Variants in LRP1B observed in about 807,000 individuals in gnomAD.
LRP1B encodes LDL receptor related protein 1B, also known as low-density lipoprotein receptor-related protein 1B.
LRP1B carries 217 observed loss-of-function variants against 556.6 expected under a neutral mutation model. That is an observed-to-expected ratio of 0.39 (90% CI 0.35 to 0.44). The LOEUF is 0.44. Among genes scored for constraint, LRP1B ranks in the 20% least tolerant of loss-of-function variants. The pLI is 1.00. For synonymous variants in LRP1B, 2,047 were observed against 1,865.8 expected (o/e 1.10, Z -2.50); for missense variants, 5,053 against 5,620.8 (o/e 0.90, Z 3.23).
intron 2 of LRP1B, among the ~76,000 whole-genome samples, chr2:141,536,254 A>G (rs920270235): frequency 6.6e-5 from 10 of 151,998 alleles, no homozygotes; most frequent in African/African-American, 2.2e-4. Flanking sequence ...ATTGACTTAC[A>G]TTTTCCCACA....
chr2:141,619,168 A>G (rs1688414656), intron 2 of LRP1B, among the ~76,000 whole-genome samples: 1 of 152,052 alleles, frequency 6.6e-6, no homozygotes, highest in South Asian at 2.1e-4. Context: ...GCTTTTCTTG[A>G]GCCTTTTTAG....
intron 7 of LRP1B, among the ~76,000 whole-genome samples, chr2:141,147,427 C>T (rs1701813462): frequency 6.6e-6 from 1 of 151,990 alleles, no homozygotes; most frequent in African/African-American, 2.4e-5. Flanking sequence ...TGTAGGAAAC[C>T]CTGTGTTACA....
chr2:140,285,125 ATATG>A (rs1330749373), intron 84 of LRP1B, among the ~76,000 whole-genome samples: 3 of 150,300 alleles, frequency 2.0e-5, no homozygotes, highest in African/African-American at 7.3e-5. Context: ...GTGTGTATAT[ATATG>A]TGTGTGTGTA....
intron 3 of LRP1B, among the ~76,000 whole-genome samples, chr2:141,423,998 G>A (rs915895587): frequency 2.0e-5 from 3 of 151,824 alleles, no homozygotes; most frequent in Non-Finnish European, 4.4e-5. Flanking sequence ...TAAAACATAT[G>A]ATTCAGTTAA....
chr2:141,547,841 A>G (rs1685607407), intron 2 of LRP1B, among the ~76,000 whole-genome samples: 2 of 151,584 alleles, frequency 1.3e-5, no homozygotes, highest in Admixed American at 1.3e-4. Context: ...CAAAGATAAA[A>G]GGTGGGCCTT....
intron 55 of LRP1B, among the ~76,000 whole-genome samples, chr2:140,501,477 A>T (rs1170521832): frequency 6.6e-6 from 1 of 151,772 alleles, no homozygotes; most frequent in Non-Finnish European, 1.5e-5. Flanking sequence ...ATGTAGAAAA[A>T]TGCTTCAATT....
intron 3 of LRP1B, among the ~76,000 whole-genome samples, chr2:141,270,336 C>T (rs1015031008): frequency 3.9e-5 from 6 of 151,986 alleles, no homozygotes; most frequent in African/African-American, 1.4e-4. Context: ...AATTAGAATC[C>T]TTTTGCATTG....
intron 1 of LRP1B, among the ~76,000 whole-genome samples, chr2:142,084,900 A>G (rs1040338795): frequency 1.3e-5 from 2 of 152,198 alleles, no homozygotes; most frequent in Non-Finnish European, 2.9e-5. Flanking sequence ...TAAAGAATAC[A>G]TGTGTATAAA....
intron 3 of LRP1B, among the ~76,000 whole-genome samples, chr2:141,281,712 A>G (rs1685515078): frequency 6.6e-6 from 1 of 152,030 alleles, no homozygotes; most frequent in Non-Finnish European, 1.5e-5. Flanking sequence ...ACAACAATAA[A>G]GAGATATTAA....
intron 1 of LRP1B, among the ~76,000 whole-genome samples, chr2:141,810,937 TC>T (rs1327161694): frequency 1.3e-5 from 2 of 152,022 alleles, no homozygotes; most frequent in Non-Finnish European, 2.9e-5. Context: ...CTTTTTTTTT[TC>T]CATGACTTCC....
chr2:140,959,213 G>A (rs1573922844), intron 18 of LRP1B, among the ~76,000 whole-genome samples: 1 of 151,636 alleles, frequency 6.6e-6, no homozygotes, highest in Non-Finnish European at 1.5e-5. Context: ...TGTGAAGAAT[G>A]TAAGAATTAA....
intron 2 of LRP1B, among the ~76,000 whole-genome samples, chr2:141,674,611 C>T (rs1055072029): frequency 3.3e-5 from 5 of 152,166 alleles, no homozygotes; most frequent in Middle Eastern, 6.8e-3. Flanking sequence ...AATTGCTTCA[C>T]GTGCATGGTT....
intron 7 of LRP1B, among the ~76,000 whole-genome samples, chr2:141,117,332 G>C (rs942334474): frequency 6.7e-6 from 1 of 149,768 alleles, no homozygotes; most frequent in African/African-American, 2.5e-5. Context: ...GGTGTTTTGT[G>C]TCACTTTTAG....
intron 32 of LRP1B, among the ~76,000 whole-genome samples, chr2:140,804,648 A>ATTTTTTTTTTTTTTTTTTTTTTTTTTTTT (rs1690646115): frequency 9.6e-6 from 1 of 103,892 alleles, no homozygotes. Flanking sequence ...GGTAAAAACT[A>ATTTTTTTTTTTTTTTTTTTTTTTTTTTTT]ATTTTTTTTT....
At chr2:141,728,041 G>A (rs956108629) in intron 2 of LRP1B, among the ~76,000 whole-genome samples, 7 of 152,142 alleles carry the variant, frequency 4.6e-5, no homozygotes, top group African/African-American at 1.7e-4. Context: ...GAGGGGGAAA[G>A]AGAAGCCCGT....
chr2:141,941,490 C>T (rs1484361705), intron 1 of LRP1B, among the ~76,000 whole-genome samples: 1 of 152,166 alleles, frequency 6.6e-6, no homozygotes, highest in Non-Finnish European at 1.5e-5. Context: ...GGTCTTTCAC[C>T]TATTCCTTGT....
chr2:141,915,618 A>C (rs1700010822), intron 1 of LRP1B, among the ~76,000 whole-genome samples: 3 of 152,226 alleles, frequency 2.0e-5, no homozygotes, highest in African/African-American at 7.2e-5. Flanking sequence ...ACTGCACAGC[A>C]AAAGAAACTA....
intron 43 of LRP1B, among the ~76,000 whole-genome samples, chr2:140,564,307 G>T (rs535857966): frequency 1.5e-4 from 23 of 151,922 alleles, no homozygotes; most frequent in Non-Finnish European, 2.9e-4. Context: ...AAATCCTTTA[G>T]ATATTCACTT....
intron 31 of LRP1B, among the ~76,000 whole-genome samples, chr2:140,835,707 T>G (rs1234718194): frequency 1.3e-5 from 2 of 151,732 alleles, no homozygotes; most frequent in Non-Finnish European, 2.9e-5. Flanking sequence ...CTGGCTAATG[T>G]TTTGTATTTT....
Sources: allele counts gnomAD v4.1 joint callset (sites outside exome capture counted in the v4.1 genomes callset), GRCh38; gene constraint gnomAD v4.1.1; transcripts MANE v1.5; gene names NCBI Gene and HGNC (gene_info 2026-07-23, HGNC 2026-07-21).